SLAIN2: variants seen among roughly 807,000 people sequenced by gnomAD.
SLAIN2 encodes the protein SLAIN motif-containing protein 2.
A neutral mutation model predicts 56.6 loss-of-function variants in SLAIN2; 31 were observed. That is an observed-to-expected ratio of 0.55 (90% confidence interval 0.41 to 0.74). The LOEUF is 0.74. SLAIN2 is among the 30% of genes least tolerant of loss of function. The pLI, the probability that SLAIN2 is intolerant of heterozygous loss-of-function variation, is 0.00. For synonymous variants in SLAIN2, 317 were observed against 284.9 expected (o/e 1.11, Z -1.13); for missense variants, 777 against 754.2 (o/e 1.03, Z -0.35).
At chr4:48,357,143 T>C (rs1398705429) in intron 1 of SLAIN2, among the ~76,000 whole-genome samples, 1 of 151,200 alleles carries the variant, frequency 6.6e-6, no homozygotes, top group African/African-American at 2.4e-5. Context: ...AAGTATAGTA[T>C]TATATATCTT....
At position 48,363,869 on chromosome 4, in the gene SLAIN2, G is replaced by A. The variant is rs552783858; in HGVS notation, c.390-5980G>A. Reference sequence around the variant, plus strand: ...GGGCTCCTTACTTCCCAGTAGGGGCGGCCGGGCAGAGGCGCCCCTCACCTC... The same window carrying A: ...GGGCTCCTTACTTCCCAGTAGGGGCAGCCGGGCAGAGGCGCCCCTCACCTC... On this transcript the variant is annotated intron_variant, in intron 1 of 7. Transcript: ENST00000264313. Among the ~76,000 whole-genome samples, 621 of 143,500 alleles carry A rather than the reference G, an allele frequency of 4.3e-3. 6 individuals carry two copies. The highest frequency in any genetic ancestry group is 0.019 in the Middle Eastern group (5 of 264). 94.1% of individuals were successfully genotyped at this position (143,500 alleles called of 152,430 possible).
intron 6 of SLAIN2, among the ~76,000 whole-genome samples, chr4:48,393,736 T>C (rs1716292487): frequency 1.3e-5 from 2 of 152,130 alleles, no homozygotes; most frequent in Admixed American, 1.3e-4. Flanking sequence ...TTAAATACAC[T>C]GGTAGGTGTG....
rs1274492313 is a variant in SLAIN2 at position 48,425,300 on chromosome 4, C to A, written c.*3223C>A. On this transcript the variant is annotated 3_prime_UTR_variant, in exon 8 of 8. Coordinates refer to ENST00000264313, the MANE Select transcript of SLAIN2 (RefSeq NM_020846.2). Reference sequence around the variant, plus strand: ...TTTTTTACCTGCTGTGAATTGATACCTAGTTATAAAAAGCTAGCATTTGCC... The same window carrying A: ...TTTTTTACCTGCTGTGAATTGATACATAGTTATAAAAAGCTAGCATTTGCC... 6.6e-6 allele frequency: 1 copy of A among 151,800 alleles called. No homozygotes were observed. The highest frequency in any genetic ancestry group is 1.5e-5 in the Non-Finnish European group (1 of 67,932). 9.4% of individuals were successfully genotyped at this position (151,800 alleles called of 1,614,324 possible). A position where few individuals can be genotyped will look rare whatever the true frequency, so the allele number is the denominator to read the frequency against.
At chr4:48,355,985 C>T (rs181643236) in intron 1 of SLAIN2, among the ~76,000 whole-genome samples, 5 of 152,010 alleles carry the variant, frequency 3.3e-5, no homozygotes, top group East Asian at 3.9e-4. Flanking sequence ...TTTGTGGGTT[C>T]GAACTTTATG....
At chr4:48,378,211 C>T (rs1399422164) in intron 3 of SLAIN2, among the ~76,000 whole-genome samples, 151 bp downstream of exon 3, 1 of 152,116 alleles carries the variant, frequency 6.6e-6, no homozygotes, top group Non-Finnish European at 1.5e-5. Context: ...AACTTAGCAC[C>T]AGGTACTATA....
In SLAIN2 at chr4:48,423,937, T is replaced by C. The variant is rs1717229523; in HGVS notation, c.*1860T>C. Reference sequence around the variant, plus strand: ...GTAAAAGAAAGAAGTAGCTACTGTCTCTTTTAAAAACCACGTACAAAACAG... The same window carrying C: ...GTAAAAGAAAGAAGTAGCTACTGTCCCTTTTAAAAACCACGTACAAAACAG... On this transcript the variant is annotated 3_prime_UTR_variant, in exon 8 of 8. Coordinates refer to ENST00000264313, the MANE Select transcript of SLAIN2 (RefSeq NM_020846.2). 2 of 152,164 alleles carry C rather than the reference T, an allele frequency of 1.3e-5. No individual in the cohort carries two copies. The allele number at this position is 152,164 out of a possible 1,614,324, so 9.4% of individuals were successfully genotyped here.
intron 6 of SLAIN2, among the ~76,000 whole-genome samples, chr4:48,408,051 T>G (rs1213527526): frequency 6.6e-6 from 1 of 152,168 alleles, no homozygotes; most frequent in Non-Finnish European, 1.5e-5. Context: ...TAACAGAGTT[T>G]CAGGGCCAGG....
At chr4:48,420,468 G>A in intron 7 of SLAIN2, 25 bp downstream of exon 7, 6 of 1,609,674 alleles carry the variant, frequency 3.7e-6, no homozygotes, top group Non-Finnish European at 4.2e-6. Flanking sequence ...TTCTGTTTCA[G>A]CATTCTTGAG....
intron 6 of SLAIN2, among the ~76,000 whole-genome samples, chr4:48,416,675 A>C (rs1449702081): frequency 6.6e-6 from 1 of 151,938 alleles, no homozygotes; most frequent in Non-Finnish European, 1.5e-5. Flanking sequence ...AGTGCAATCA[A>C]ACTAGAACTC....
At chr4:48,394,446 A>ATATT in intron 6 of SLAIN2, 1 of 652,756 alleles carries the variant, frequency 1.5e-6, no homozygotes, top group South Asian at 2.2e-5. Context: ...GGATTCTAAC[A>ATATT]TATTTGCACC....
At chr4:48,392,896 C>CT (rs1468736027) in intron 6 of SLAIN2, among the ~76,000 whole-genome samples, 1 of 147,612 alleles carries the variant, frequency 6.8e-6, no homozygotes, top group African/African-American at 2.5e-5. Context: ...TAGTTGCCTA[C>CT]TGGATACATT....
At chr4:48,381,922 G>A (rs1012738231) in intron 4 of SLAIN2, among the ~76,000 whole-genome samples, 15 of 152,100 alleles carry the variant, frequency 9.9e-5, no homozygotes, top group African/African-American at 3.4e-4. Flanking sequence ...AAGGTTGCTT[G>A]GGTGTTTTCG....
At chr4:48,343,800 A>G (rs1714791155) in intron 1 of SLAIN2, among the ~76,000 whole-genome samples, 1 of 152,214 alleles carries the variant, frequency 6.6e-6, no homozygotes, top group Non-Finnish European at 1.5e-5. Context: ...TTTATTACCA[A>G]GTGATATCAA....
At position 48,341,731 on chromosome 4, in the gene SLAIN2, G is replaced by A. The variant is rs1714705119; in HGVS notation, c.-9G>A. On this transcript the variant is annotated 5_prime_UTR_variant, in exon 1 of 8. Transcript: ENST00000264313. The stretch of plus-strand genomic sequence containing the variant: ...GGGCGGCGGAGGCGGCGGCGGCGGC[G>A]GGGCCGGGATGGAGGACGTTAACTC... The A allele has an allele frequency of 3.9e-6, 6 of 1,526,844 alleles. No homozygotes were observed. Among genetic ancestry groups the A allele is most frequent in the South Asian group, 1.2e-5 (1 of 81,652 alleles). 94.6% of individuals were successfully genotyped at this position (1,526,844 alleles called of 1,614,324 possible).
chr4:48,366,690 A>G (rs556001910), intron 1 of SLAIN2, among the ~76,000 whole-genome samples: 2 of 152,186 alleles, frequency 1.3e-5, no homozygotes, highest in South Asian at 2.1e-4. Flanking sequence ...GTTGTGTCTT[A>G]TTTTTTAATC....
At chr4:48,363,964 G>T (rs1715429093) in intron 1 of SLAIN2, among the ~76,000 whole-genome samples, 1 of 134,704 alleles carries the variant, frequency 7.4e-6, no homozygotes, top group African/African-American at 2.7e-5. Flanking sequence ...CGGCTGGCCG[G>T]GCAGGGGGCT....
chr4:48,373,601 G>A (rs1477413854), intron 2 of SLAIN2, among the ~76,000 whole-genome samples: 1 of 151,820 alleles, frequency 6.6e-6, no homozygotes, highest in Non-Finnish European at 1.5e-5. Flanking sequence ...TCATCTAGTA[G>A]GGGAAACATA....
chr4:48,364,852 G>C (rs192580638), intron 1 of SLAIN2, among the ~76,000 whole-genome samples: 1 of 141,450 alleles, frequency 7.1e-6, no homozygotes, highest in Admixed American at 7.0e-5. Context: ...GAGGGAGACC[G>C]TGGGGAGACG....
intron 5 of SLAIN2, among the ~76,000 whole-genome samples, chr4:48,383,385 A>C (rs1199368177): frequency 6.6e-6 from 1 of 151,968 alleles, no homozygotes; most frequent in Non-Finnish European, 1.5e-5. Context: ...TTTTTGCTTT[A>C]TTGTTTTATG....
Sources: allele counts gnomAD v4.1 joint callset (sites outside exome capture counted in the v4.1 genomes callset), GRCh38; gene constraint gnomAD v4.1.1; transcripts MANE v1.5; gene names NCBI Gene and HGNC (gene_info 2026-07-23, HGNC 2026-07-21).